The following OXR1 variants were observed in gnomAD, a reference collection of about 807,000 sequenced individuals.
OXR1 encodes oxidation resistance 1, also known as oxidation resistance protein 1.
Under a neutral mutation model 104.6 loss-of-function variants are expected in OXR1, and 41 were observed. That is an observed-to-expected ratio of 0.39 (90% confidence interval 0.31 to 0.51). OXR1 has a LOEUF of 0.51. OXR1 is among the 20% of genes least tolerant of loss of function. The pLI, the probability that OXR1 is intolerant of heterozygous loss-of-function variation, is 0.77. For missense variants in OXR1, 955 were observed against 1,031.9 expected (o/e 0.93, Z 1.02); for synonymous variants, 348 against 348.4 (o/e 1.00, Z 0.01).
At chr8:106,627,558 G>A (rs2130875022) in intron 3 of OXR1, among the ~76,000 whole-genome samples, 1 of 134,890 alleles carries the variant, frequency 7.4e-6, no homozygotes, top group South Asian at 2.2e-4. Context: ...TAATGATGAT[G>A]ACATCATCAA....
At chr8:106,543,320 C>T (rs781145732) in intron 3 of OXR1, among the ~76,000 whole-genome samples, 66 of 151,568 alleles carry the variant, frequency 4.4e-4, no homozygotes, top group Non-Finnish European at 9.0e-4. Flanking sequence ...GTTTTTCTTC[C>T]ATGTTTATTT....
At chr8:106,334,855 G>A (rs562589960) in intron 1 of OXR1, among the ~76,000 whole-genome samples, 4 of 152,082 alleles carry the variant, frequency 2.6e-5, no homozygotes, top group East Asian at 1.9e-4. Context: ...ATATTTGATC[G>A]TATCATCTCA....
chr8:106,692,868 C>A lies in OXR1; in HGVS notation c.666C>A (p.Thr222=). The A allele has an allele frequency of 6.3e-7, 1 of 1,597,568 alleles. No homozygotes were observed. Among genetic ancestry groups the A allele is most frequent in the Non-Finnish European group, 8.6e-7 (1 of 1,169,548 alleles). ...KFLKINCKYI[T]SGKGTVSGVL... Reference sequence around the variant, plus strand: ...TTAAAATTAATTGCAAATATATTACCAGTGGCAAGGTAAAGAATGACACTT... The same window carrying A: ...TTAAAATTAATTGCAAATATATTACAAGTGGCAAGGTAAAGAATGACACTT... Residue 222 remains threonine (T), a synonymous_variant, in exon 7 of 17, where the codon ACC becomes ACA. Transcript: ENST00000517566.
At chr8:106,653,748 A>AT (rs1824822256) in intron 3 of OXR1, among the ~76,000 whole-genome samples, 1 of 152,026 alleles carries the variant, frequency 6.6e-6, no homozygotes. Context: ...AACCAGGGCA[A>AT]TTAGGCAAGA....
intron 3 of OXR1, among the ~76,000 whole-genome samples, chr8:106,572,252 C>T (rs1466331191): frequency 2.6e-5 from 4 of 152,196 alleles, no homozygotes; most frequent in African/African-American, 9.6e-5. Flanking sequence ...TACCTAGCTT[C>T]CATCCCTTCA....
At position 106,289,277 on chromosome 8, in the gene OXR1, C is replaced by A. The variant is rs1586477772; in HGVS notation, c.-139+18910C>A. Among the ~76,000 whole-genome samples, 3 of 152,264 alleles carry A rather than the reference C, an allele frequency of 2.0e-5. No individual in the cohort carries two copies. The East Asian group carries it at 5.8e-4, about 29-fold the overall frequency. On this transcript the variant is annotated intron_variant, in intron 1 of 16. Transcript: ENST00000517566. ...ACCTAGAAAACTCCAAAGACTCTTC[C>A]AAAATACTGCTAGAACTGATAAGCT...
chr8:106,437,245 G>T (rs372314830), intron 2 of OXR1, among the ~76,000 whole-genome samples: 18 of 152,082 alleles, frequency 1.2e-4, no homozygotes, highest in African/African-American at 4.3e-4. Context: ...TTTTAAAATA[G>T]CAAGTCTATC....
intron 1 of OXR1, among the ~76,000 whole-genome samples, chr8:106,347,030 G>A (rs1815517583): frequency 6.6e-6 from 1 of 152,190 alleles, no homozygotes; most frequent in Admixed American, 6.5e-5. Flanking sequence ...GCGACAAAGC[G>A]AGACTCCGTC....
At chr8:106,719,906 C>T (rs1306912647) in intron 11 of OXR1, among the ~76,000 whole-genome samples, 2 of 152,058 alleles carry the variant, frequency 1.3e-5, no homozygotes, top group South Asian at 2.1e-4. Context: ...CCTGGATTCA[C>T]GCCATTCTCC....
chr8:106,383,243 A>T (rs1487481236), intron 2 of OXR1, among the ~76,000 whole-genome samples: 1 of 152,172 alleles, frequency 6.6e-6, no homozygotes, highest in Non-Finnish European at 1.5e-5. Context: ...TTAGGTTTAT[A>T]GCATTAAAGT....
intron 3 of OXR1, among the ~76,000 whole-genome samples, chr8:106,600,500 A>G (rs1418288633): frequency 6.6e-6 from 1 of 152,148 alleles, no homozygotes; most frequent in East Asian, 1.9e-4. Context: ...TCCTTTGCCA[A>G]TCATATTAGT....
At chr8:106,544,445 G>T (rs1028306797) in intron 3 of OXR1, among the ~76,000 whole-genome samples, 2 of 151,994 alleles carry the variant, frequency 1.3e-5, no homozygotes, top group African/African-American at 4.8e-5. Flanking sequence ...GAAGCTAAAA[G>T]GTTATACCTC....
intron 3 of OXR1, among the ~76,000 whole-genome samples, chr8:106,584,146 G>A (rs1211393229): frequency 6.6e-6 from 1 of 151,838 alleles, no homozygotes; most frequent in African/African-American, 2.4e-5. Context: ...GGAAGTTAAA[G>A]GTATAATTGC....
At chr8:106,468,143 A>G (rs1322891286) in intron 2 of OXR1, among the ~76,000 whole-genome samples, 2 of 151,840 alleles carry the variant, frequency 1.3e-5, no homozygotes, top group Admixed American at 6.6e-5. Context: ...TTTGTCCAAC[A>G]CCAGCCCCCA....
intron 2 of OXR1, among the ~76,000 whole-genome samples, chr8:106,509,003 A>G (rs1812352471): frequency 1.3e-5 from 2 of 152,246 alleles, no homozygotes; most frequent in African/African-American, 2.4e-5. Flanking sequence ...CTTGTTAAAA[A>G]TAGGTATCTT....
At chr8:106,611,540 G>T (rs566140988) in intron 3 of OXR1, among the ~76,000 whole-genome samples, 25 of 152,306 alleles carry the variant, frequency 1.6e-4, no homozygotes, top group Admixed American at 2.6e-4. Context: ...TTTCCCTAAG[G>T]GTTAAAGATT....
Position 106,359,542 on chromosome 8 carries a change from G to A in OXR1, c.-72G>A, listed in dbSNP as rs980558390. 1 of 1,159,020 alleles carries A rather than the reference G, an allele frequency of 8.6e-7. No homozygotes were observed. Among genetic ancestry groups the A allele is most frequent in the African/African-American group, 1.5e-5 (1 of 65,340 alleles). 71.8% of individuals were successfully genotyped at this position (1,159,020 alleles called of 1,614,324 possible). On this transcript the variant is annotated 5_prime_UTR_variant, in exon 2 of 17. Coordinates refer to ENST00000517566, the MANE Select transcript of OXR1 (RefSeq NM_001198533.2). ...TCCAGAAGCAAAGCTAAAATTTTTA[G>A]CGGTGTTGTCGACTTGACCTGCTAA...
At chr8:106,571,666 T>C (rs951269572) in intron 3 of OXR1, among the ~76,000 whole-genome samples, 3 of 152,248 alleles carry the variant, frequency 2.0e-5, no homozygotes, top group Admixed American at 6.5e-5. Context: ...CAAAGTCTTA[T>C]CTAACTCTCA....
chr8:106,466,201 T>C (rs1821162061), intron 2 of OXR1, among the ~76,000 whole-genome samples: 1 of 152,104 alleles, frequency 6.6e-6, no homozygotes, highest in Admixed American at 6.6e-5. Context: ...TTACTTTAGA[T>C]GATTTCTGAA....
Sources: gnomAD v4.1 joint callset for allele counts (sites outside exome capture counted in the v4.1 genomes callset) on GRCh38, gnomAD v4.1.1 for gene constraint, MANE v1.5 for transcripts, NCBI Gene and HGNC (gene_info 2026-07-23, HGNC 2026-07-21) for gene names.